HERPUD2: variants seen among roughly 807,000 people sequenced by gnomAD.
HERPUD2 encodes HERPUD family member 2, also known as homocysteine-responsive endoplasmic reticulum-resident ubiquitin-like domain member 2 protein.
In HERPUD2, 13 loss-of-function variants were observed where a neutral mutation model predicts 49.9. The ratio of observed to expected loss-of-function variants is 0.26; its 90% confidence interval spans 0.17 to 0.41. HERPUD2 has a LOEUF of 0.41. Among genes scored for constraint, HERPUD2 ranks in the 10% least tolerant of loss-of-function variants. The pLI is 1.00. For synonymous variants in HERPUD2, 172 were observed against 171.4 expected (o/e 1.00, Z -0.03); for missense variants, 449 against 492.2 (o/e 0.91, Z 0.83).
chr7:35,686,781 G>A (rs1207227033), intron 2 of HERPUD2, among the ~76,000 whole-genome samples: 2 of 95,398 alleles, frequency 2.1e-5, no homozygotes, highest in African/African-American at 4.1e-5. Flanking sequence ...GGTGGCTCAC[G>A]CCTGTAATTC....
chr7:35,643,246 G>C (rs1784996289), intron 5 of HERPUD2, among the ~76,000 whole-genome samples: 2 of 152,106 alleles, frequency 1.3e-5, no homozygotes, highest in South Asian at 4.1e-4. Context: ...TTTACTCTCT[G>C]ACCTATCTAC....
At chr7:35,661,583 C>T (rs182382314) in intron 5 of HERPUD2, among the ~76,000 whole-genome samples, 1 of 152,220 alleles carries the variant, frequency 6.6e-6, no homozygotes, top group Non-Finnish European at 1.5e-5. Context: ...TTGAAGAGGT[C>T]GTTCACATCC....
chr7:35,660,421 T>C (rs1785389223), intron 5 of HERPUD2, among the ~76,000 whole-genome samples: 1 of 152,186 alleles, frequency 6.6e-6, no homozygotes, highest in African/African-American at 2.4e-5. Context: ...TCAAATGGTA[T>C]TTCTAGTTCT....
Position 35,670,316 on chromosome 7 carries a change from G to A in HERPUD2, c.238C>T (p.His80Tyr), listed in dbSNP as rs1411031682. The A allele has an allele frequency of 2.0e-6, 3 of 1,472,674 alleles. No individual in the cohort carries two copies. Among genetic ancestry groups the A allele is most frequent in the African/African-American group, 2.9e-5 (2 of 68,936 alleles). The allele number at this position is 1,472,674 out of a possible 1,614,324, so 91.2% of individuals were successfully genotyped here. A position where few individuals can be genotyped will look rare whatever the true frequency, so the allele number is the denominator to read the frequency against. ...GAAGTACATACTAGATGAACCATAT[G>A]ATACTCATCTTGCTAAAATTAAAGA... ...KDILRKQDEYHMVHLVCTSRT... is the reference protein window; with the variant it reads ...KDILRKQDEYYMVHLVCTSRT... The change falls in exon 4 of 9, where the codon CAT becomes TAT. Residue 80 changes from histidine (H) to tyrosine (Y), a missense_variant. His to Tyr is a moderately conservative substitution (Grantham distance 83). Coordinates refer to ENST00000311350, the MANE Select transcript of HERPUD2 (RefSeq NM_022373.5).
chr7:35,670,052 A>G (rs182853135), intron 4 of HERPUD2, among the ~76,000 whole-genome samples, 163 bp downstream of exon 4: 4 of 152,140 alleles, frequency 2.6e-5, no homozygotes, highest in African/African-American at 9.6e-5. Flanking sequence ...AGATCTTTCA[A>G]AATGGTAAAC....
At chr7:35,655,917 T>C (rs1285082658) in intron 5 of HERPUD2, among the ~76,000 whole-genome samples, 21 of 152,082 alleles carry the variant, frequency 1.4e-4, no homozygotes, top group Admixed American at 1.4e-3. Flanking sequence ...TCCCAGCACT[T>C]TGGGAGGCCG....
chr7:35,633,924 A>C, intron 8 of HERPUD2, 73 bp from the exon 9 acceptor site: 1 of 1,449,368 alleles, frequency 6.9e-7, no homozygotes, highest in Admixed American at 2.1e-5. Context: ...ATACAGTTAA[A>C]TTCTTTGTAG....
At chr7:35,644,704 T>C (rs1167856845) in intron 5 of HERPUD2, among the ~76,000 whole-genome samples, 1 of 152,006 alleles carries the variant, frequency 6.6e-6, no homozygotes, top group Non-Finnish European at 1.5e-5. Context: ...GAGGCAGAGG[T>C]TCCAGTGAGC....
chr7:35,634,499 A>G (rs1784839077), intron 7 of HERPUD2, 70 bp from the exon 8 acceptor site: 3 of 889,136 alleles, frequency 3.4e-6, no homozygotes, highest in Non-Finnish European at 5.5e-6. Context: ...ATAAAATGTT[A>G]TTAGTGTCCT....
Position 35,633,812 on chromosome 7 carries a change from C to T in HERPUD2, c.1099G>A (p.Glu367Lys). 2 of 1,614,040 alleles carry T rather than the reference C, an allele frequency of 1.2e-6. No individual in the cohort carries two copies. Among genetic ancestry groups the T allele is most frequent in the Non-Finnish European group, 1.7e-6 (2 of 1,179,966 alleles). ...GCACTGGCATCTTCACCTCCATCTT[C>T]TCCACTCTCATCTTCAAGCCCATCA... is the stretch of plus-strand genomic sequence containing the variant. ...MDDGLEDESGEDGGEDASAIQ... is the reference protein window; with the variant it reads ...MDDGLEDESGKDGGEDASAIQ... The change falls in exon 9 of 9, where the codon GAA becomes AAA. Residue 367 changes from glutamate (E) to lysine (K), a missense_variant. Transcript: ENST00000311350.
intron 5 of HERPUD2, among the ~76,000 whole-genome samples, chr7:35,646,919 G>A (rs945869273): frequency 6.6e-6 from 1 of 151,858 alleles, no homozygotes; most frequent in Non-Finnish European, 1.5e-5. Context: ...CAGAAAAAAG[G>A]GAGCAAGGCA....
intron 2 of HERPUD2, among the ~76,000 whole-genome samples, chr7:35,674,439 AGAGAGAGAGAGAGAGAGAGAGAGAGG>A (rs1222445212): frequency 7.7e-6 from 1 of 130,434 alleles, no homozygotes; most frequent in African/African-American, 2.8e-5. Flanking sequence ...AGAGAGAGAG[AGAGAGAGAGAGAGAGAGAGAGAGAGG>A]AGCACTGTGG....
intron 5 of HERPUD2, among the ~76,000 whole-genome samples, chr7:35,663,036 A>T (rs570419779): frequency 6.6e-6 from 1 of 152,198 alleles, no homozygotes; most frequent in African/African-American, 2.4e-5. Context: ...TACACACTGT[A>T]TTAAATGTGT....
chr7:35,694,482 G>C lies in HERPUD2; in HGVS notation c.-152C>G. ...TTACAAGTGCACTGGAGGATACGAAGCCCATTGCCGGTACCAAGGATGGAC... is the reference window on the plus strand; with the variant it reads ...TTACAAGTGCACTGGAGGATACGAACCCCATTGCCGGTACCAAGGATGGAC... On this transcript the variant is annotated 5_prime_UTR_variant, in exon 2 of 9. Coordinates refer to ENST00000311350, the MANE Select transcript of HERPUD2 (RefSeq NM_022373.5). 1 of 746,260 alleles carries C rather than the reference G, an allele frequency of 1.3e-6. No homozygotes were observed. Among genetic ancestry groups the C allele is most frequent in the East Asian group, 2.7e-5 (1 of 37,238 alleles). 46.2% of individuals were successfully genotyped at this position (746,260 alleles called of 1,614,324 possible).
chr7:35,637,994 A>G (rs1481152653), intron 6 of HERPUD2, among the ~76,000 whole-genome samples: 2 of 152,228 alleles, frequency 1.3e-5, no homozygotes, highest in African/African-American at 4.8e-5. Flanking sequence ...TATTAGCTGC[A>G]CTTGAGCCCT....
At chr7:35,633,997 A>C in intron 8 of HERPUD2, 146 bp from the exon 9 acceptor site, 1 of 743,018 alleles carries the variant, frequency 1.3e-6, no homozygotes, top group South Asian at 2.3e-5. Context: ...AAAATTGATA[A>C]ATTCCTCACT....
intron 2 of HERPUD2, among the ~76,000 whole-genome samples, chr7:35,681,628 GCACA>G (rs1785893864): frequency 1.3e-5 from 2 of 152,096 alleles, no homozygotes; most frequent in Non-Finnish European, 2.9e-5. Flanking sequence ...ATAAATATAT[GCACA>G]CACGGAATAT....
At chr7:35,684,515 G>GA (rs1409590224) in intron 2 of HERPUD2, among the ~76,000 whole-genome samples, 1 of 133,058 alleles carries the variant, frequency 7.5e-6, no homozygotes, top group Non-Finnish European at 1.7e-5. Context: ...GAAACTGTGA[G>GA]AGACAGATAT....
chr7:35,681,821 T>C (rs1397075344), intron 2 of HERPUD2, among the ~76,000 whole-genome samples: 3 of 151,908 alleles, frequency 2.0e-5, no homozygotes, highest in African/African-American at 7.3e-5. Flanking sequence ...AAACAGAAAG[T>C]AGATTAGCAC....
Sources: allele counts gnomAD v4.1 joint callset (sites outside exome capture counted in the v4.1 genomes callset), GRCh38; gene constraint gnomAD v4.1.1; transcripts MANE v1.5; gene names NCBI Gene and HGNC (gene_info 2026-07-23, HGNC 2026-07-21).